Variants in MYO3B observed in about 807,000 individuals in gnomAD.
MYO3B encodes the protein myosin-IIIb.
A neutral mutation model predicts 174.6 loss-of-function variants in MYO3B; 156 were observed. That is an observed-to-expected ratio of 0.89 (90% CI 0.78 to 1.02). The LOEUF (loss-of-function observed/expected upper bound fraction) is 1.02. Ranked by LOEUF, MYO3B falls within the 50% of genes least tolerant of loss-of-function variation. The pLI is 0.00. For missense variants in MYO3B, 1,632 were observed against 1,639.4 expected, an observed-to-expected ratio of 1.00 and a Z score of 0.08; for synonymous variants, 563 against 569.1, an observed-to-expected ratio of 0.99 and a Z score of 0.15.
intron 30 of MYO3B, among the ~76,000 whole-genome samples, chr2:170,523,016 G>A (rs1688779795): frequency 6.6e-6 from 1 of 152,280 alleles, no homozygotes; most frequent in East Asian, 1.9e-4. Context: ...TTACATTCTG[G>A]CACTAGCCCC....
chr2:170,526,191 G>A (rs1416811178), intron 30 of MYO3B, among the ~76,000 whole-genome samples: 1 of 152,134 alleles, frequency 6.6e-6, no homozygotes, highest in Non-Finnish European at 1.5e-5. Flanking sequence ...TCCTCTCTCT[G>A]AACCTCAGTA....
chr2:170,317,496 C>G (rs1559382490), intron 7 of MYO3B, among the ~76,000 whole-genome samples: 2 of 152,046 alleles, frequency 1.3e-5, no homozygotes, highest in Non-Finnish European at 2.9e-5. Context: ...GGAGTTAGGG[C>G]CATTTTGGGA....
At chr2:170,599,517 C>T (rs1163827132) in intron 32 of MYO3B, among the ~76,000 whole-genome samples, 3 of 152,168 alleles carry the variant, frequency 2.0e-5, no homozygotes, top group African/African-American at 7.2e-5. Flanking sequence ...GAGGCCAAGG[C>T]AGGCGGATCA....
chr2:170,496,841 T>A (rs1686882540), intron 25 of MYO3B, among the ~76,000 whole-genome samples: 1 of 152,056 alleles, frequency 6.6e-6, no homozygotes, highest in South Asian at 2.1e-4. Flanking sequence ...TTGTCCAGGC[T>A]GGTCTCGAAC....
intron 8 of MYO3B, among the ~76,000 whole-genome samples, chr2:170,343,299 G>A (rs1025753093): frequency 6.6e-6 from 1 of 152,094 alleles, no homozygotes; most frequent in Admixed American, 6.6e-5. Flanking sequence ...CAGGCATGGT[G>A]GTGTGTGCCT....
At chr2:170,519,314 T>C (rs372521208) in intron 29 of MYO3B, 124 bp from the exon 30 acceptor site, 14 of 635,696 alleles carry the variant, frequency 2.2e-5, no homozygotes, top group African/African-American at 1.1e-4. Context: ...AAAAAAAACC[T>C]ATAGAAAGTC....
At chr2:170,402,454 T>C (rs12623412) in intron 18 of MYO3B, among the ~76,000 whole-genome samples, 22,765 of 152,206 alleles carry the variant, frequency 0.15, 2,286 homozygotes, top group East Asian at 0.51. Context: ...AGTGGTTTCC[T>C]ATATTGTGGA....
chr2:170,356,246 C>T (rs1163523590), intron 8 of MYO3B, among the ~76,000 whole-genome samples: 2 of 151,896 alleles, frequency 1.3e-5, no homozygotes, highest in Non-Finnish European at 2.9e-5. Context: ...CAGGCATGAG[C>T]CACCGCGCCT....
chr2:170,322,445 A>G (rs2093835417), intron 7 of MYO3B, among the ~76,000 whole-genome samples: 1 of 152,186 alleles, frequency 6.6e-6, no homozygotes, highest in East Asian at 1.9e-4. Flanking sequence ...AATTATTGCA[A>G]TTGATCTTGA....
At chr2:170,518,212 CA>C (rs912567860) in intron 29 of MYO3B, among the ~76,000 whole-genome samples, 8 of 151,888 alleles carry the variant, frequency 5.3e-5, no homozygotes, top group East Asian at 1.9e-4. Context: ...ACAGACAACA[CA>C]AAAAAAACTG....
chr2:170,323,090 A>G lies in MYO3B; in HGVS notation c.750-12295A>G, dbSNP rs539855698. ...CATAGTAGTCAATTTCTTTTTGTCT[A>G]TTACAAATTTATTAACAGTGTGTCA... On this transcript the variant is annotated intron_variant, in intron 7 of 34. Coordinates refer to ENST00000408978, the MANE Select transcript of MYO3B (RefSeq NM_138995.5). 2.1e-4 allele frequency among the ~76,000 whole-genome samples: 32 copies of G among 152,318 alleles called. No homozygotes were observed. In the South Asian group the frequency reaches 6.4e-3, roughly 31 times the overall value.
At chr2:170,467,741 G>T (rs1167196562) in intron 25 of MYO3B, among the ~76,000 whole-genome samples, 1 of 150,202 alleles carries the variant, frequency 6.7e-6, no homozygotes, top group Non-Finnish European at 1.5e-5. Context: ...TCTCAGGAGA[G>T]GATGAGTCAT....
intron 32 of MYO3B, among the ~76,000 whole-genome samples, chr2:170,585,000 G>T (rs1245703974): frequency 6.6e-6 from 1 of 152,208 alleles, no homozygotes; most frequent in African/African-American, 2.4e-5. Flanking sequence ...TCATGCAGCA[G>T]TTCTCAACCT....
intron 22 of MYO3B, among the ~76,000 whole-genome samples, chr2:170,418,393 G>A (rs529347928): frequency 6.6e-6 from 1 of 152,118 alleles, no homozygotes; most frequent in African/African-American, 2.4e-5. Flanking sequence ...TAATATCATC[G>A]CTACTAAATT....
chr2:170,406,238 A>G (rs898611134), intron 21 of MYO3B, among the ~76,000 whole-genome samples: 2 of 151,934 alleles, frequency 1.3e-5, no homozygotes, highest in African/African-American at 2.4e-5. Flanking sequence ...GTTACTCCCA[A>G]AGGAGCCATT....
intron 18 of MYO3B, 109 bp downstream of exon 18, chr2:170,401,800 T>C: frequency 9.8e-7 from 1 of 1,016,226 alleles, no homozygotes. Flanking sequence ...TTCTTTCTTT[T>C]TCTTTTTTTT....
At chr2:170,625,094 G>C (rs1696292022) in intron 32 of MYO3B, among the ~76,000 whole-genome samples, 1 of 152,204 alleles carries the variant, frequency 6.6e-6, no homozygotes, top group Admixed American at 6.5e-5. Flanking sequence ...ATGAATTAGG[G>C]AGGATTTCGT....
chr2:170,653,568 C>T lies in MYO3B; in HGVS notation c.*447C>T, dbSNP rs1456291961. On this transcript the variant is annotated 3_prime_UTR_variant, in exon 35 of 35. Coordinates refer to ENST00000408978, the MANE Select transcript of MYO3B (RefSeq NM_138995.5). The stretch of plus-strand genomic sequence containing the variant: ...TTTCCTGCACTCTTCTCCATCCTCC[C>T]ACCTTTGCTGGGCTTTTCTATCACT... 1 of 159,812 alleles carries T rather than the reference C, an allele frequency of 6.3e-6. No individual in the cohort carries two copies. Among genetic ancestry groups the T allele is most frequent in the African/African-American group, 2.4e-5 (1 of 41,572 alleles). The allele number at this position is 159,812 out of a possible 1,614,324, so 9.9% of individuals were successfully genotyped here. A position where few individuals can be genotyped will look rare whatever the true frequency, so the allele number is the denominator to read the frequency against.
intron 6 of MYO3B, among the ~76,000 whole-genome samples, chr2:170,220,628 C>CA (rs71006077): frequency 0.05 from 4,268 of 85,770 alleles, 308 homozygotes; most frequent in African/African-American, 0.063. Context: ...GATTCCGTCT[C>CA]AAAAAAAAAA....
Sources: allele counts gnomAD v4.1 joint callset (sites outside exome capture counted in the v4.1 genomes callset), GRCh38; gene constraint gnomAD v4.1.1; transcripts MANE v1.5; gene names NCBI Gene and HGNC (gene_info 2026-07-23, HGNC 2026-07-21).